The following COMMD7 variants were observed in gnomAD, a reference collection of about 807,000 sequenced individuals.
COMMD7 encodes COMM domain containing 7, also known as COMM domain-containing protein 7.
COMMD7 carries 28 observed loss-of-function variants against 34.8 expected under a neutral mutation model. The ratio of observed to expected loss-of-function variants is 0.80; its 90% CI spans 0.60 to 1.10. The LOEUF is 1.10. Among genes scored for constraint, COMMD7 ranks in the 50% least tolerant of loss-of-function variants. The probability of loss-of-function intolerance (pLI) is 0.00; values close to 1 mark genes in which losing one functional copy is unlikely to be tolerated. For missense variants in COMMD7, 211 were observed against 241.6 expected (o/e 0.87, Z 0.84); for synonymous variants, 80 against 86.4 (o/e 0.93, Z 0.41).
intron 3 of COMMD7, among the ~76,000 whole-genome samples, chr20:32,714,711 C>A (rs142449459): frequency 1.3e-5 from 2 of 152,050 alleles, no homozygotes; most frequent in African/African-American, 4.8e-5. Context: ...GTAGTCCCAG[C>A]TACTCAGGCG....
intron 1 of COMMD7, among the ~76,000 whole-genome samples, chr20:32,733,950 G>A (rs1159409441): frequency 1.3e-5 from 2 of 151,228 alleles, no homozygotes; most frequent in African/African-American, 2.4e-5. Flanking sequence ...AGGCCGAGGC[G>A]CGCAGATCAT....
chr20:32,711,856 A>C (rs937152184), intron 3 of COMMD7, among the ~76,000 whole-genome samples: 2 of 151,646 alleles, frequency 1.3e-5, no homozygotes, highest in Admixed American at 6.6e-5. Context: ...GAGGGATAGC[A>C]TTAGGAAAAA....
intron 8 of COMMD7, 45 bp from the exon 9 acceptor site, chr20:32,703,503 C>A (rs1983870933): frequency 1.3e-6 from 2 of 1,579,734 alleles, no homozygotes; most frequent in Non-Finnish European, 1.7e-6. Flanking sequence ...TCCAACTCCA[C>A]AGAATCATCC....
chr20:32,728,447 T>TACAC (rs112717200), intron 1 of COMMD7, among the ~76,000 whole-genome samples: 6 of 150,860 alleles, frequency 4.0e-5, no homozygotes, highest in South Asian at 4.2e-4. Flanking sequence ...CAGACAGACA[T>TACAC]ACACACACAC....
intron 3 of COMMD7, among the ~76,000 whole-genome samples, chr20:32,712,693 C>G (rs1270542824): frequency 1.3e-5 from 2 of 149,602 alleles, no homozygotes; most frequent in African/African-American, 4.9e-5. Flanking sequence ...TTAAGAACAT[C>G]CTTCTTCAAA....
In COMMD7 at chr20:32,720,532, G is replaced by A. The variant is rs1284613954; in HGVS notation, c.241+7361C>T. 3.3e-5 allele frequency among the ~76,000 whole-genome samples: 5 copies of A among 152,074 alleles called. No homozygotes were observed. The South Asian group carries it at 6.2e-4, about 19-fold the overall frequency. ...AAGAAAGAAAAATATAGACTAGGCCGGGCATGGTGGTTCATGCCTGTAATC... is the reference window on the plus strand; with the variant it reads ...AAGAAAGAAAAATATAGACTAGGCCAGGCATGGTGGTTCATGCCTGTAATC... On this transcript the variant is annotated intron_variant, in intron 3 of 8. Transcript: ENST00000278980.
intron 3 of COMMD7, among the ~76,000 whole-genome samples, chr20:32,709,447 A>G (rs1984291058): frequency 6.6e-6 from 1 of 151,682 alleles, no homozygotes; most frequent in Non-Finnish European, 1.5e-5. Flanking sequence ...ATTAGCCAGG[A>G]GGGTGAGGCA....
intron 3 of COMMD7, among the ~76,000 whole-genome samples, chr20:32,726,216 CCCCA>C (rs1985503075): frequency 6.6e-6 from 1 of 151,914 alleles, no homozygotes; most frequent in South Asian, 2.1e-4. Context: ...AACAGTGAAA[CCCCA>C]TCTCTACTAA....
intron 5 of COMMD7, among the ~76,000 whole-genome samples, chr20:32,705,322 A>G (rs554933724): frequency 2.3e-4 from 35 of 150,000 alleles, no homozygotes; most frequent in Non-Finnish European, 4.1e-4. Context: ...GTGTATATAT[A>G]TACATACATA....
chr20:32,721,496 G>C (rs1439067570), intron 3 of COMMD7, among the ~76,000 whole-genome samples: 2 of 152,048 alleles, frequency 1.3e-5, no homozygotes, highest in Non-Finnish European at 2.9e-5. Flanking sequence ...TGTAATCCCA[G>C]CACTTTGGGA....
intron 1 of COMMD7, among the ~76,000 whole-genome samples, chr20:32,728,576 T>C (rs1985660325): frequency 6.6e-6 from 1 of 152,148 alleles, no homozygotes; most frequent in Non-Finnish European, 1.5e-5. Context: ...TTTCTTTTTT[T>C]TTCTTTCCCT....
At chr20:32,730,970 A>G (rs1413312266) in intron 1 of COMMD7, among the ~76,000 whole-genome samples, 1 of 152,206 alleles carries the variant, frequency 6.6e-6, no homozygotes, top group Admixed American at 6.6e-5. Flanking sequence ...CCCTTCTGCT[A>G]TGACACATTA....
intron 3 of COMMD7, among the ~76,000 whole-genome samples, chr20:32,712,667 T>C (rs577274969): frequency 1.4e-5 from 2 of 147,080 alleles, no homozygotes; most frequent in East Asian, 3.9e-4. Flanking sequence ...CAGCAGAACA[T>C]GACACGTGGG....
chr20:32,730,504 G>T (rs1355966369), intron 1 of COMMD7, among the ~76,000 whole-genome samples: 2 of 151,950 alleles, frequency 1.3e-5, no homozygotes, highest in Non-Finnish European at 2.9e-5. Context: ...GCAGTGAGTG[G>T]AGATCATGCC....
rs530343140 is a variant in COMMD7 at position 32,735,678 on chromosome 20, T to C, written c.85-7536A>G. Among the ~76,000 whole-genome samples the C allele has an allele frequency of 1.2e-4, 19 of 152,102 alleles. No individual in the cohort carries two copies. The South Asian group carries it at 3.9e-3, about 32-fold the overall frequency. ...AAATAAACATTTTATTTTTAAGAGA[T>C]GGGGGTCTCACTCTTTCAGGCTGGA... is the stretch of plus-strand genomic sequence containing the variant. On this transcript the variant is annotated intron_variant, in intron 1 of 8. Coordinates refer to ENST00000278980, the MANE Select transcript of COMMD7 (RefSeq NM_053041.3).
chr20:32,707,452 T>C (rs1358356826), intron 3 of COMMD7, among the ~76,000 whole-genome samples: 1 of 151,654 alleles, frequency 6.6e-6, no homozygotes, highest in Non-Finnish European at 1.5e-5. Flanking sequence ...CCTGAACAGC[T>C]GGGACTACAG....
Position 32,723,197 on chromosome 20 carries a change from C to T in COMMD7, c.241+4696G>A, listed in dbSNP as rs372582169. On this transcript the variant is annotated intron_variant, in intron 3 of 8. Coordinates refer to ENST00000278980, the MANE Select transcript of COMMD7 (RefSeq NM_053041.3). ...CCACGGTCTCCCTCTCATGCGGAGC[C>T]GAAGCTGGACTGTACTGCTGCCATC... Among the ~76,000 whole-genome samples the T allele has an allele frequency of 5.7e-3, 274 of 48,124 alleles. 80 individuals carry two copies. The highest frequency in any genetic ancestry group is 0.018 in the African/African-American group (249 of 13,582). 31.6% of individuals were successfully genotyped at this position (48,124 alleles called of 152,430 possible).
intron 1 of COMMD7, 102 bp from the exon 2 acceptor site, chr20:32,728,244 AG>A: frequency 1.9e-6 from 2 of 1,066,738 alleles, no homozygotes; most frequent in African/African-American, 1.6e-5. Flanking sequence ...GAACAGTAAC[AG>A]CCAGGTGTTA....
intron 3 of COMMD7, among the ~76,000 whole-genome samples, chr20:32,717,969 A>T (rs192429254): frequency 6.6e-6 from 1 of 151,986 alleles, no homozygotes; most frequent in Non-Finnish European, 1.5e-5. Flanking sequence ...TGTGCCTGTA[A>T]TCCCAGCTAC....
Sources: allele counts gnomAD v4.1 joint callset (sites outside exome capture counted in the v4.1 genomes callset), GRCh38; gene constraint gnomAD v4.1.1; transcripts MANE v1.5; gene names NCBI Gene and HGNC (gene_info 2026-07-23, HGNC 2026-07-21).